The following CNTN3 variants were observed in gnomAD, a reference collection of about 807,000 sequenced individuals.
The protein encoded by CNTN3 is contactin-3.
In CNTN3, 60 loss-of-function variants were observed where a neutral mutation model predicts 119.1. The ratio of observed to expected loss-of-function variants is 0.50; its 90% confidence interval spans 0.41 to 0.62. The LOEUF is 0.62. Ranked by LOEUF, CNTN3 falls within the 20% of genes least tolerant of loss-of-function variation. CNTN3 has a pLI of 0.00. For synonymous variants in CNTN3, 450 were observed against 438.7 expected, an observed-to-expected ratio of 1.03 and a Z score of -0.32; for missense variants, 1,101 against 1,242.4, an observed-to-expected ratio of 0.89 and a Z score of 1.71.
chr3:74,547,633 G>C (rs1703934208), intron 1 of CNTN3, among the ~76,000 whole-genome samples: 1 of 151,940 alleles, frequency 6.6e-6, no homozygotes, highest in African/African-American at 2.4e-5. Context: ...AGGTTTCCTT[G>C]TTCATTCATC....
chr3:74,613,627 GC>G (rs1339314070), intron 1 of CNTN3, among the ~76,000 whole-genome samples: 4 of 152,204 alleles, frequency 2.6e-5, no homozygotes, highest in African/African-American at 9.6e-5. Flanking sequence ...ACGGAGCTTT[GC>G]ACAAGCAGAG....
intron 4 of CNTN3, among the ~76,000 whole-genome samples, chr3:74,453,386 G>A (rs936951987): frequency 7.2e-5 from 11 of 151,868 alleles, no homozygotes; most frequent in South Asian, 4.2e-4. Context: ...TTTTTATTGC[G>A]TCTATTTGAT....
chr3:74,451,068 A>G (rs1702144834), intron 4 of CNTN3, among the ~76,000 whole-genome samples: 1 of 152,066 alleles, frequency 6.6e-6, no homozygotes, highest in Non-Finnish European at 1.5e-5. Context: ...TTCTAGTTCT[A>G]GATCCCTGAG....
intron 1 of CNTN3, among the ~76,000 whole-genome samples, chr3:74,561,455 T>A (rs1334955380): frequency 6.6e-6 from 1 of 152,186 alleles, no homozygotes; most frequent in Admixed American, 6.5e-5. Flanking sequence ...GGCTGCCTTT[T>A]TGTTCTTCAT....
intron 2 of CNTN3, among the ~76,000 whole-genome samples, chr3:74,503,901 AT>A (rs1048540299): frequency 5.9e-5 from 9 of 152,158 alleles, no homozygotes; most frequent in Middle Eastern, 6.8e-3. Flanking sequence ...CTAAGGTGTT[AT>A]TTTTCCCCCC....
At chr3:74,361,010 T>C (rs1035109797) in intron 11 of CNTN3, among the ~76,000 whole-genome samples, 3 of 152,140 alleles carry the variant, frequency 2.0e-5, no homozygotes, top group African/African-American at 7.2e-5. Context: ...CCATGTAATA[T>C]AACACAGTAA....
chr3:74,606,500 G>A (rs1167841170), intron 1 of CNTN3, among the ~76,000 whole-genome samples: 1 of 151,752 alleles, frequency 6.6e-6, no homozygotes, highest in African/African-American at 2.4e-5. Context: ...GTGAATGGGT[G>A]GGTTGGGTTA....
intron 3 of CNTN3, among the ~76,000 whole-genome samples, chr3:74,494,159 G>A (rs1016313845): frequency 6.6e-6 from 1 of 151,854 alleles, no homozygotes; most frequent in Non-Finnish European, 1.5e-5. Context: ...CTCCTCATAC[G>A]AACCTGGCCT....
At chr3:74,536,032 T>A (rs1050878683) in intron 1 of CNTN3, among the ~76,000 whole-genome samples, 2 of 152,118 alleles carry the variant, frequency 1.3e-5, no homozygotes, top group Admixed American at 6.6e-5. Flanking sequence ...TTTAAAAAAA[T>A]TTCTTACTCT....
chr3:74,438,772 A>C (rs1701913250), intron 4 of CNTN3, among the ~76,000 whole-genome samples: 1 of 152,224 alleles, frequency 6.6e-6, no homozygotes, highest in Non-Finnish European at 1.5e-5. Context: ...TAGAAATTTC[A>C]TAAAATAGTT....
At chr3:74,330,974 A>C (rs1453168302) in intron 13 of CNTN3, among the ~76,000 whole-genome samples, 1 of 152,222 alleles carries the variant, frequency 6.6e-6, no homozygotes, top group Non-Finnish European at 1.5e-5. Context: ...AAAAAGTCTA[A>C]AAAGGTTAAA....
intron 1 of CNTN3, among the ~76,000 whole-genome samples, chr3:74,583,006 T>C (rs1704538741): frequency 6.6e-6 from 1 of 152,154 alleles, no homozygotes; most frequent in South Asian, 2.1e-4. Flanking sequence ...CACACAGGGC[T>C]ACATGGAGAC....
rs559303346 is a variant in CNTN3 at position 74,382,522 on chromosome 3, A to T, written c.455-11123T>A. Among the ~76,000 whole-genome samples the T allele has an allele frequency of 6.6e-5, 10 of 151,264 alleles. 1 individual carries two copies. Among genetic ancestry groups the T allele is most frequent in the African/African-American group, 2.4e-4 (10 of 41,192 alleles). On this transcript the variant is annotated intron_variant, in intron 5 of 22. Coordinates refer to ENST00000263665, the MANE Select transcript of CNTN3 (RefSeq NM_020872.3). ...ACACCTTTCAATTCCCTCCTCCCCA[A>T]CTCCCCCACCACCAGCCTATGGTAA...
intron 4 of CNTN3, among the ~76,000 whole-genome samples, chr3:74,464,710 T>C (rs1418030390): frequency 2.0e-5 from 3 of 152,120 alleles, no homozygotes; most frequent in South Asian, 2.1e-4. Flanking sequence ...TTGCACTCCT[T>C]CTCCTCCTCC....
chr3:74,509,327 T>G (rs1363179375), intron 2 of CNTN3, among the ~76,000 whole-genome samples: 1 of 151,256 alleles, frequency 6.6e-6, no homozygotes, highest in Non-Finnish European at 1.5e-5. Context: ...TTTTTTTTTT[T>G]TTTTGACATG....
chr3:74,272,596 G>T (rs1421046310), intron 20 of CNTN3, among the ~76,000 whole-genome samples: 2 of 152,180 alleles, frequency 1.3e-5, no homozygotes, highest in African/African-American at 4.8e-5. Flanking sequence ...GATTTATGGT[G>T]TGTCATATAC....
chr3:74,418,517 T>G (rs1701564089), intron 5 of CNTN3, among the ~76,000 whole-genome samples: 1 of 151,692 alleles, frequency 6.6e-6, no homozygotes, highest in South Asian at 2.1e-4. Context: ...AATTTTTGTA[T>G]TTTTAGTGAG....
intron 1 of CNTN3, among the ~76,000 whole-genome samples, chr3:74,571,697 A>G (rs1162022180): frequency 6.6e-6 from 1 of 152,196 alleles, no homozygotes; most frequent in Non-Finnish European, 1.5e-5. Context: ...GCTTTTTGTC[A>G]AAAGAATCCT....
chr3:74,342,970 A>C (rs1310579214), intron 11 of CNTN3, among the ~76,000 whole-genome samples: 1 of 152,210 alleles, frequency 6.6e-6, no homozygotes, highest in Admixed American at 6.5e-5. Flanking sequence ...AATGAGACAA[A>C]TAATTCTCTG....
Sources: allele counts gnomAD v4.1 joint callset (sites outside exome capture counted in the v4.1 genomes callset), GRCh38; gene constraint gnomAD v4.1.1; transcripts MANE v1.5; gene names NCBI Gene and HGNC (gene_info 2026-07-23, HGNC 2026-07-21).